The following ARMC9 variants were observed in gnomAD, a reference collection of about 807,000 sequenced individuals.
ARMC9 encodes the protein lisH domain-containing protein ARMC9.
In ARMC9, 94 loss-of-function variants were observed where a neutral mutation model predicts 107.0. The observed-to-expected ratio is 0.88, with a 90% CI of 0.74 to 1.04. The LOEUF is 1.04. Ranked by LOEUF, ARMC9 falls within the 50% of genes least tolerant of loss-of-function variation. ARMC9 has a pLI of 0.00. For synonymous variants in ARMC9, 380 were observed against 396.9 expected, an observed-to-expected ratio of 0.96 and a Z score of 0.51; for missense variants, 942 against 1,030.1, an observed-to-expected ratio of 0.91 and a Z score of 1.17.
At chr2:231,204,570 C>T (rs1206218989) in intron 1 of ARMC9, among the ~76,000 whole-genome samples, 2 of 152,102 alleles carry the variant, frequency 1.3e-5, no homozygotes, top group Non-Finnish European at 2.9e-5. Context: ...TCCACTCCGT[C>T]CATGTTTTTG....
rs780785264 is a variant in ARMC9, at chr2:231,296,205, A to G, written c.1725A>G (p.Leu575=). The part of the protein sequence containing the change: ...FIIKQLNSEE[L]PDGVLESDDD... ...TTCTTTTTTTCTTTATAGAAGAGCT[A>G]CCAGATGGTGTTCTTGAATCTGATG... Residue 575 remains leucine, a synonymous_variant, in exon 19 of 25, where the codon CTA becomes CTG. Transcript: ENST00000611582. The G allele has an allele frequency of 1.2e-6, 2 of 1,613,170 alleles. No homozygotes were observed. Among genetic ancestry groups the G allele is most frequent in the Non-Finnish European group, 1.7e-6 (2 of 1,179,394 alleles).
intron 19 of ARMC9, among the ~76,000 whole-genome samples, chr2:231,312,113 G>T (rs1294436316): frequency 6.6e-6 from 1 of 152,200 alleles, no homozygotes; most frequent in African/African-American, 2.4e-5. Flanking sequence ...CTGTGGGTTG[G>T]CTTGGCAGGT....
chr2:231,263,501 C>G (rs1451205624), intron 12 of ARMC9, among the ~76,000 whole-genome samples: 1 of 152,218 alleles, frequency 6.6e-6, no homozygotes, highest in Non-Finnish European at 1.5e-5. Context: ...AACTAACCCA[C>G]TCCGGCAATA....
chr2:231,355,995 A>C (rs989480897), intron 22 of ARMC9, 61 bp downstream of exon 22: 1 of 1,485,724 alleles, frequency 6.7e-7, no homozygotes, highest in Non-Finnish European at 9.0e-7. Flanking sequence ...AACCTACGCA[A>C]AACAGCAGCA....
At chr2:231,318,452 G>A (rs1202235979) in intron 19 of ARMC9, among the ~76,000 whole-genome samples, 1 of 152,198 alleles carries the variant, frequency 6.6e-6, no homozygotes, top group African/African-American at 2.4e-5. Context: ...GCATGTACCT[G>A]TAGTTTAGCA....
At chr2:231,324,028 G>T (rs2043147822) in intron 19 of ARMC9, among the ~76,000 whole-genome samples, 1 of 151,998 alleles carries the variant, frequency 6.6e-6, no homozygotes, top group Admixed American at 6.6e-5. Flanking sequence ...TTTTATTAAT[G>T]GGTAGCAAAT....
At chr2:231,283,588 C>T (rs924307388) in intron 17 of ARMC9, among the ~76,000 whole-genome samples, 1 of 152,114 alleles carries the variant, frequency 6.6e-6, no homozygotes, top group Non-Finnish European at 1.5e-5. Context: ...CACCACCACA[C>T]CTAGCTGATT....
intron 22 of ARMC9, among the ~76,000 whole-genome samples, chr2:231,357,085 A>T (rs532358683): frequency 1.3e-5 from 2 of 152,272 alleles, no homozygotes; most frequent in South Asian, 4.1e-4. Context: ...TGAGGTTGGC[A>T]TGGATGGAAA....
intron 20 of ARMC9, among the ~76,000 whole-genome samples, chr2:231,340,494 A>T (rs1250543103): frequency 6.6e-6 from 1 of 151,964 alleles, no homozygotes; most frequent in Non-Finnish European, 1.5e-5. Flanking sequence ...TACTCTAACA[A>T]CATAGAGAAT....
At chr2:231,289,569 A>G (rs1027489050) in intron 17 of ARMC9, among the ~76,000 whole-genome samples, 3 of 152,166 alleles carry the variant, frequency 2.0e-5, no homozygotes. Flanking sequence ...GGGGATGGAG[A>G]AGAGAGGAGA....
chr2:231,261,797 C>T (rs1193065626), intron 11 of ARMC9, among the ~76,000 whole-genome samples: 3 of 152,042 alleles, frequency 2.0e-5, no homozygotes, highest in African/African-American at 7.2e-5. Flanking sequence ...AAGTTGGCTC[C>T]CTGTGTCACC....
At chr2:231,279,511 CT>C (rs57779512) in intron 16 of ARMC9, among the ~76,000 whole-genome samples, 11,020 of 124,496 alleles carry the variant, frequency 0.089, 617 homozygotes, top group African/African-American at 0.25. Context: ...TTTCTTTTTT[CT>C]TTTTTTTTTT....
At chr2:231,335,639 T>TA (rs1231185101) in intron 20 of ARMC9, among the ~76,000 whole-genome samples, 1 of 152,198 alleles carries the variant, frequency 6.6e-6, no homozygotes, top group Non-Finnish European at 1.5e-5. Flanking sequence ...ATGTGTTGCT[T>TA]ACTCGTAATT....
rs2046149752 is a variant in ARMC9, at chr2:231,374,878, G to C, written c.*3343G>C. Reference sequence around the variant, plus strand: ...GTAGCCCTTTAAATTTTGTATGCAAGGTGAATACCTCACCCCTCTCTCCTG... The same window carrying C: ...GTAGCCCTTTAAATTTTGTATGCAACGTGAATACCTCACCCCTCTCTCCTG... On this transcript the variant is annotated 3_prime_UTR_variant, in exon 25 of 25. Transcript: ENST00000611582. The C allele has an allele frequency of 6.6e-6, 1 of 152,152 alleles. No individual in the cohort carries two copies. Among genetic ancestry groups the C allele is most frequent in the African/African-American group, 2.4e-5 (1 of 41,420 alleles). The allele number at this position is 152,152 out of a possible 1,614,324, so 9.4% of individuals were successfully genotyped here. A position where few individuals can be genotyped will look rare whatever the true frequency, so the allele number is the denominator to read the frequency against.
intron 11 of ARMC9, among the ~76,000 whole-genome samples, chr2:231,260,679 A>C (rs551447299): frequency 6.6e-6 from 1 of 152,140 alleles, no homozygotes; most frequent in Non-Finnish European, 1.5e-5. Flanking sequence ...TGAGTCATCC[A>C]CGGTGGCCGT....
At chr2:231,283,875 G>A (rs1574943198) in intron 17 of ARMC9, among the ~76,000 whole-genome samples, 1 of 152,266 alleles carries the variant, frequency 6.6e-6, no homozygotes, top group East Asian at 1.9e-4. Flanking sequence ...TGGGACTATA[G>A]GTGTGCGCCA....
At chr2:231,232,470 A>G (rs2035322407) in intron 7 of ARMC9, among the ~76,000 whole-genome samples, 1 of 137,496 alleles carries the variant, frequency 7.3e-6, no homozygotes, top group African/African-American at 2.7e-5. Context: ...TTTTTTTTTG[A>G]GACGGAGTTT....
chr2:231,254,538 T>G (rs1360438148), intron 9 of ARMC9, among the ~76,000 whole-genome samples: 2 of 151,430 alleles, frequency 1.3e-5, no homozygotes, highest in Non-Finnish European at 2.9e-5. Context: ...TATCAGTAAG[T>G]ACAAGCATGG....
At chr2:231,338,186 A>C (rs891505755) in intron 20 of ARMC9, among the ~76,000 whole-genome samples, 1 of 152,058 alleles carries the variant, frequency 6.6e-6, no homozygotes, top group African/African-American at 2.4e-5. Flanking sequence ...GCTTCTGTGG[A>C]ATGAGAATTA....
Sources: gnomAD v4.1 joint callset for allele counts (sites outside exome capture counted in the v4.1 genomes callset) on GRCh38, gnomAD v4.1.1 for gene constraint, MANE v1.5 for transcripts, NCBI Gene and HGNC (gene_info 2026-07-23, HGNC 2026-07-21) for gene names.